SLC51A: variants seen among roughly 807,000 people sequenced by gnomAD.
SLC51A encodes the protein organic solute transporter subunit alpha.
A neutral mutation model predicts 34.8 loss-of-function variants in SLC51A; 22 were observed. That is an observed-to-expected ratio of 0.63 (90% CI 0.45 to 0.90). The LOEUF is 0.90. Ranked by LOEUF, SLC51A falls within the 40% of genes least tolerant of loss-of-function variation. SLC51A has a pLI of 0.00. For missense variants in SLC51A, 371 were observed against 414.8 expected, an observed-to-expected ratio of 0.89 and a Z score of 0.92; for synonymous variants, 181 against 176.3, an observed-to-expected ratio of 1.03 and a Z score of -0.21.
chr3:196,218,587 T>G (rs1307195716), intron 2 of SLC51A, among the ~76,000 whole-genome samples: 3 of 152,186 alleles, frequency 2.0e-5, no homozygotes, highest in Admixed American at 2.0e-4. Flanking sequence ...AATTGTCCAC[T>G]GAAGGGGAGG....
At chr3:196,223,936 T>A (rs368420445) in intron 2 of SLC51A, 2 of 382,136 alleles carry the variant, frequency 5.2e-6, no homozygotes, top group African/African-American at 4.7e-5. Context: ...CTCAGCTCAA[T>A]GCAACCTCCA....
In SLC51A at chr3:196,228,178, G is replaced by A. The variant is rs1223377697; in HGVS notation, c.426G>A (p.Glu142=). ...TGGTGGAAGGCTTTGGGGGGAAGGAGGCAGTGCTGAGGACGCTGAGGGACA... is the reference window on the plus strand; with the variant it reads ...TGGTGGAAGGCTTTGGGGGGAAGGAAGCAGTGCTGAGGACGCTGAGGGACA... ...LVMVEGFGGK[E]AVLRTLRDTP... Residue 142 remains glutamate, a synonymous_variant, in exon 5 of 9, where the codon GAG becomes GAA. Transcript: ENST00000296327. The surrounding 1 kb of genome is among the most constrained non-coding windows in gnomAD (Gnocchi z 4.9). The A allele has an allele frequency of 6.2e-7, 1 of 1,614,030 alleles. No homozygotes were observed. Among genetic ancestry groups the A allele is most frequent in the Non-Finnish European group, 8.5e-7 (1 of 1,180,032 alleles).
intron 2 of SLC51A, among the ~76,000 whole-genome samples, chr3:196,223,481 C>A (rs753531952): frequency 6.6e-5 from 10 of 151,472 alleles, no homozygotes; most frequent in Non-Finnish European, 1.5e-4. Context: ...GAGCAGGGAG[C>A]AGTTAGGGAA....
In SLC51A at chr3:196,216,612, C is replaced by A; in HGVS notation, c.-101C>A. The A allele has an allele frequency of 8.2e-7, 1 of 1,213,204 alleles. No homozygotes were observed. The highest frequency in any genetic ancestry group is 1.2e-6 in the Non-Finnish European group (1 of 846,384). 75.2% of individuals were successfully genotyped at this position (1,213,204 alleles called of 1,614,324 possible). ...ACTCTGCAATTCTGCTTGCCCCCCA[C>A]CCCGGCCCAGGCAAGCCACCCTGCC... On this transcript the variant is annotated 5_prime_UTR_variant, in exon 1 of 9. Coordinates refer to ENST00000296327, the MANE Select transcript of SLC51A (RefSeq NM_152672.6). This position sits in a 1 kb window ranked among gnomAD's most constrained non-coding sequence, Gnocchi z 4.5.
At chr3:196,229,886 C>T in intron 6 of SLC51A, 29 bp from the exon 7 acceptor site, 1 of 1,569,502 alleles carries the variant, frequency 6.4e-7, no homozygotes, top group Non-Finnish European at 8.6e-7. Context: ...AGCTTGCCTG[C>T]CTCACTGACT....
intron 2 of SLC51A, among the ~76,000 whole-genome samples, chr3:196,218,326 T>C (rs1032298575): frequency 6.6e-6 from 1 of 152,246 alleles, no homozygotes; most frequent in Non-Finnish European, 1.5e-5. Context: ...CCTGGACCCA[T>C]GTCACTCTAG....
At position 196,220,415 on chromosome 3, in the gene SLC51A, G is replaced by A. The variant is rs532854519; in HGVS notation, c.133+2479G>A. ...AGTTCAAGATCAGCCTGGCCAATGT[G>A]GTGAAATCCTGTCTCTACTGAAAAT... On this transcript the variant is annotated intron_variant, in intron 2 of 8. Coordinates refer to ENST00000296327, the MANE Select transcript of SLC51A (RefSeq NM_152672.6). Among the ~76,000 whole-genome samples the A allele has an allele frequency of 2.6e-5, 4 of 152,278 alleles. No homozygotes were observed. In the East Asian group the frequency reaches 7.7e-4, roughly 29 times the overall value.
chr3:196,228,178 G>C lies in SLC51A; in HGVS notation c.426G>C (p.Glu142Asp). ...TGGTGGAAGGCTTTGGGGGGAAGGA[G>C]GCAGTGCTGAGGACGCTGAGGGACA... ...LVMVEGFGGK[E>D]AVLRTLRDTP... Residue 142 changes from glutamate to aspartate, a missense_variant, in exon 5 of 9, where the codon GAG (glutamate) becomes GAC (aspartate). By Grantham distance (45) the Glu-to-Asp change is conservative. Coordinates refer to ENST00000296327, the MANE Select transcript of SLC51A (RefSeq NM_152672.6). The surrounding 1 kb of genome is among the most constrained non-coding windows in gnomAD (Gnocchi z 4.9). The C allele has an allele frequency of 1.2e-6, 2 of 1,614,148 alleles. No individual in the cohort carries two copies. The highest frequency in any genetic ancestry group is 1.7e-6 in the Non-Finnish European group (2 of 1,180,024).
At position 196,228,458 on chromosome 3, in the gene SLC51A, C is replaced by T. The variant is rs1249823942; in HGVS notation, c.521+185C>T. ...CAGGGGAGCAGAGGAAGGAGAGCTC[C>T]TCAATTGTCATCACTGAACTTCACT... On this transcript the variant is annotated intron_variant, in intron 5 of 8. Transcript: ENST00000296327. This position sits in a 1 kb window ranked among gnomAD's most constrained non-coding sequence, Gnocchi z 4.9. 6.6e-6 allele frequency among the ~76,000 whole-genome samples: 1 copy of T among 152,210 alleles called. No homozygotes were observed. Among genetic ancestry groups the T allele is most frequent in the African/African-American group, 2.4e-5 (1 of 41,452 alleles).
chr3:196,231,827 C>T (rs1724035587), intron 7 of SLC51A, among the ~76,000 whole-genome samples: 1 of 152,134 alleles, frequency 6.6e-6, no homozygotes, highest in Non-Finnish European at 1.5e-5. Flanking sequence ...TTCTTCTCCC[C>T]TTTTGCCTTC....
rs183622509 is a variant in SLC51A, at chr3:196,232,493, G to T, written c.855G>T (p.Ser285=). 39 of 1,614,096 alleles carry T rather than the reference G, an allele frequency of 2.4e-5. 1 individual carries two copies. In the East Asian group the frequency reaches 3.3e-4, roughly 14 times the overall value. The change falls in exon 8 of 9, where the codon TCG becomes TCT. Residue 285 remains serine, a synonymous_variant. Coordinates refer to ENST00000296327, the MANE Select transcript of SLC51A (RefSeq NM_152672.6). The part of the protein sequence containing the change: ...VLANGGQIAC[S]PPYSSKTRSQ... The stretch of plus-strand genomic sequence containing the variant: ...CCAACGGTGGGCAGATTGCTTGTTC[G>T]CCTCCCTATTCCTCTAAAACCAGGT...
intron 2 of SLC51A, among the ~76,000 whole-genome samples, chr3:196,221,778 T>C (rs1033626816): frequency 1.3e-5 from 2 of 151,744 alleles, no homozygotes; most frequent in East Asian, 3.9e-4. Context: ...TGCAGTGGTG[T>C]GATCTCAGCT....
At chr3:196,220,278 T>C (rs543297203) in intron 2 of SLC51A, among the ~76,000 whole-genome samples, 3 of 152,276 alleles carry the variant, frequency 2.0e-5, no homozygotes, top group South Asian at 4.1e-4. Context: ...GTAATCAGGA[T>C]GGACTGCAGA....
intron 2 of SLC51A, among the ~76,000 whole-genome samples, chr3:196,219,672 C>G (rs1723693663): frequency 6.6e-6 from 1 of 152,224 alleles, no homozygotes; most frequent in South Asian, 2.1e-4. Flanking sequence ...TACAAGCCTT[C>G]CCTTACACAG....
chr3:196,217,050 G>C (rs994824087), intron 1 of SLC51A, among the ~76,000 whole-genome samples: 3 of 152,200 alleles, frequency 2.0e-5, no homozygotes. Context: ...CCGTCCGTCT[G>C]TAAGGACTCA....
chr3:196,225,329 G>A (rs1199616298), intron 2 of SLC51A, among the ~76,000 whole-genome samples: 1 of 152,116 alleles, frequency 6.6e-6, no homozygotes, highest in Non-Finnish European at 1.5e-5. Context: ...GTCCTGTGGT[G>A]CCACCAGGTG....
At chr3:196,220,907 T>TTTTG (rs1491403067) in intron 2 of SLC51A, among the ~76,000 whole-genome samples, 1 of 149,124 alleles carries the variant, frequency 6.7e-6, no homozygotes, top group Non-Finnish European at 1.5e-5. Flanking sequence ...TTTTTTTTTT[T>TTTTG]GAGACAGGGT....
At chr3:196,231,976 G>A (rs1724037807) in intron 7 of SLC51A, among the ~76,000 whole-genome samples, 1 of 152,084 alleles carries the variant, frequency 6.6e-6, no homozygotes, top group African/African-American at 2.4e-5. Context: ...ATTCCCCATT[G>A]CCCTCTCCCT....
At chr3:196,220,194 A>C (rs932042800) in intron 2 of SLC51A, among the ~76,000 whole-genome samples, 1 of 152,260 alleles carries the variant, frequency 6.6e-6, no homozygotes, top group African/African-American at 2.4e-5. Context: ...TTTATCCCGC[A>C]GCGAGAAGGA....
Sources: allele counts gnomAD v4.1 joint callset (sites outside exome capture counted in the v4.1 genomes callset), GRCh38; gene constraint gnomAD v4.1.1; non-coding constraint Gnocchi (gnomAD v3.1); transcripts MANE v1.5; gene names NCBI Gene and HGNC (gene_info 2026-07-23, HGNC 2026-07-21).